TSPAN18: variants seen among roughly 807,000 people sequenced by gnomAD.
TSPAN18 encodes tetraspanin-18.
TSPAN18 carries 14 observed loss-of-function variants against 27.3 expected under a neutral mutation model. The ratio of observed to expected loss-of-function variants is 0.51; its 90% CI spans 0.34 to 0.80. TSPAN18 has a LOEUF of 0.80. Among genes scored for constraint, TSPAN18 ranks in the 30% least tolerant of loss-of-function variants. The pLI, the probability that TSPAN18 is intolerant of heterozygous loss-of-function variation, is 0.01. For synonymous variants in TSPAN18, 143 were observed against 136.5 expected (o/e 1.05, Z -0.33); for missense variants, 268 against 323.9 (o/e 0.83, Z 1.32).
intron 2 of TSPAN18, among the ~76,000 whole-genome samples, chr11:44,777,030 C>T (rs996956172): frequency 1.3e-5 from 2 of 152,182 alleles, no homozygotes; most frequent in Non-Finnish European, 2.9e-5. Context: ...TGGGTGCTTC[C>T]CCAGGCCTGG....
chr11:44,741,676 G>A (rs545326652), intron 1 of TSPAN18, among the ~76,000 whole-genome samples: 1 of 152,320 alleles, frequency 6.6e-6, no homozygotes, highest in Admixed American at 6.5e-5. Flanking sequence ...GTGAGCAAGA[G>A]AGGTGAATTC....
At chr11:44,868,608 G>A (rs1043885641) in intron 3 of TSPAN18, among the ~76,000 whole-genome samples, 3 of 152,192 alleles carry the variant, frequency 2.0e-5, no homozygotes, top group African/African-American at 7.2e-5. Flanking sequence ...TTAGGGAATG[G>A]GGACTCGCCT....
At chr11:44,885,394 GA>G (rs533129856) in intron 3 of TSPAN18, among the ~76,000 whole-genome samples, 186 of 152,164 alleles carry the variant, frequency 1.2e-3, no homozygotes, top group Non-Finnish European at 2.3e-3. Flanking sequence ...CTGGTGCTCT[GA>G]AAGGGTGACT....
intron 3 of TSPAN18, chr11:44,886,661 G>A (rs965810206): frequency 6.6e-5 from 10 of 152,196 alleles, no homozygotes; most frequent in Admixed American, 4.6e-4. Flanking sequence ...CCCCACTTAA[G>A]GAGGAGACGT....
At chr11:44,800,192 C>T (rs1384463333) in intron 2 of TSPAN18, among the ~76,000 whole-genome samples, 5 of 152,046 alleles carry the variant, frequency 3.3e-5, no homozygotes, top group African/African-American at 1.2e-4. Context: ...CTCTCTGCCA[C>T]TAGAACAGCC....
At chr11:44,773,215 G>A (rs184174393) in intron 2 of TSPAN18, among the ~76,000 whole-genome samples, 2 of 151,970 alleles carry the variant, frequency 1.3e-5, no homozygotes, top group African/African-American at 4.8e-5. Context: ...TCGGGAGTTC[G>A]AGACCAGCCT....
chr11:44,754,257 A>G (rs1476465013), intron 1 of TSPAN18, among the ~76,000 whole-genome samples: 1 of 152,204 alleles, frequency 6.6e-6, no homozygotes, highest in Non-Finnish European at 1.5e-5. Context: ...CCTGTGGGTT[A>G]TAAAGTCTGA....
chr11:44,898,154 A>G (rs1859132272), intron 3 of TSPAN18, among the ~76,000 whole-genome samples: 1 of 152,240 alleles, frequency 6.6e-6, no homozygotes, highest in African/African-American at 2.4e-5. Context: ...CATGCATTCT[A>G]ATAAAGGCAG....
At chr11:44,733,815 T>TC (rs2134798953) in intron 1 of TSPAN18, among the ~76,000 whole-genome samples, 1 of 152,276 alleles carries the variant, frequency 6.6e-6, no homozygotes, top group South Asian at 2.1e-4. Flanking sequence ...TACCTGCAGC[T>TC]CCCATCCACC....
chr11:44,882,585 G>T (rs1199035753), intron 3 of TSPAN18, among the ~76,000 whole-genome samples: 1 of 92,490 alleles, frequency 1.1e-5, no homozygotes, highest in Admixed American at 9.9e-5. Flanking sequence ...GTCAGAGAGA[G>T]AGACACACAC....
intron 2 of TSPAN18, among the ~76,000 whole-genome samples, chr11:44,850,105 C>T (rs1857565763): frequency 6.6e-6 from 1 of 152,166 alleles, no homozygotes; most frequent in African/African-American, 2.4e-5. Context: ...TTCTCGGCTC[C>T]CTTCCTCCAG....
intron 8 of TSPAN18, 110 bp from the exon 9 acceptor site, chr11:44,926,564 A>G: frequency 1.0e-6 from 1 of 958,122 alleles, no homozygotes; most frequent in Admixed American, 1.7e-5. Context: ...GCCGTGTGAT[A>G]GGGTGAGAGC....
intron 2 of TSPAN18, among the ~76,000 whole-genome samples, chr11:44,770,305 T>C (rs552227073): frequency 1.2e-4 from 18 of 152,114 alleles, no homozygotes; most frequent in African/African-American, 4.1e-4. Context: ...AGGATTGCTA[T>C]TATGGATAGG....
At chr11:44,835,289 A>T (rs1857242200) in intron 2 of TSPAN18, among the ~76,000 whole-genome samples, 2 of 152,244 alleles carry the variant, frequency 1.3e-5, no homozygotes, top group African/African-American at 4.8e-5. Flanking sequence ...TGGACAATTC[A>T]TGCAAATGAG....
intron 9 of TSPAN18, 97 bp from the exon 10 acceptor site, chr11:44,929,034 T>C: frequency 6.8e-7 from 1 of 1,463,260 alleles, no homozygotes; most frequent in Non-Finnish European, 9.5e-7. Context: ...GTGCTAAGAG[T>C]GACAGGCATT....
rs115057811 is a variant in TSPAN18, at chr11:44,753,785, C to T, written c.-239-10641C>T. On this transcript the variant is annotated intron_variant, in intron 1 of 9. Coordinates refer to ENST00000520358, the MANE Select transcript of TSPAN18 (RefSeq NM_130783.5). ...AAGGATGAGCTGTGCTGTTAGGGAT[C>T]GGCAGGGACTCCTCTTCTGGAGTAT... is the stretch of plus-strand genomic sequence containing the variant. Among the ~76,000 whole-genome samples, 619 of 152,290 alleles carry T rather than the reference C, an allele frequency of 4.1e-3. 4 individuals are homozygous for T. Among genetic ancestry groups the T allele is most frequent in the African/African-American group, 0.013 (559 of 41,568 alleles).
At chr11:44,844,171 TTC>T in intron 2 of TSPAN18, among the ~76,000 whole-genome samples, 1 of 152,366 alleles carries the variant, frequency 6.6e-6, no homozygotes, top group African/African-American at 2.4e-5. Context: ...ATCCACATTC[TTC>T]TGTCATGGCT....
At chr11:44,743,776 G>A (rs555916022) in intron 1 of TSPAN18, among the ~76,000 whole-genome samples, 1 of 152,180 alleles carries the variant, frequency 6.6e-6, no homozygotes, top group Non-Finnish European at 1.5e-5. Context: ...GGGCATGCCA[G>A]GTGCCTTCCT....
At chr11:44,919,028 T>A (rs1860023822) in intron 6 of TSPAN18, among the ~76,000 whole-genome samples, 186 bp from the exon 7 acceptor site, 1 of 151,722 alleles carries the variant, frequency 6.6e-6, no homozygotes, top group African/African-American at 2.4e-5. Context: ...ACTTCCTTTC[T>A]CCACTGGGGA....
Sources: gnomAD v4.1 joint callset for allele counts (sites outside exome capture counted in the v4.1 genomes callset) on GRCh38, gnomAD v4.1.1 for gene constraint, MANE v1.5 for transcripts, NCBI Gene and HGNC (gene_info 2026-07-23, HGNC 2026-07-21) for gene names.